Variants in SPMIP4 observed in about 807,000 individuals in gnomAD.
The protein encoded by SPMIP4 is sperm-associated microtubule inner protein 4.
the SPMIP4 span, among the ~76,000 whole-genome samples, chr7:25,128,902 C>T: frequency 2.0e-5 from 3 of 152,324 alleles, no homozygotes; most frequent in African/African-American, 2.4e-5. This position sits in a 1 kb window ranked among gnomAD's most constrained non-coding sequence, Gnocchi z 4.5. Flanking sequence ...CAACAGGTTC[C>T]GTTCTGGCCC....
At chr7:25,171,801 G>A in the SPMIP4 span, among the ~76,000 whole-genome samples, 3,306 of 152,304 alleles carry the variant, frequency 0.022, 135 homozygotes, top group African/African-American at 0.075. Flanking sequence ...TACACAAGAA[G>A]CTGGGACCTT....
the SPMIP4 span, among the ~76,000 whole-genome samples, chr7:25,143,339 A>G: frequency 1.3e-5 from 2 of 152,260 alleles, no homozygotes; most frequent in African/African-American, 4.8e-5. Flanking sequence ...ACATGAGTGA[A>G]TAAGTGAGTT....
the SPMIP4 span, chr7:25,155,067 G>A: frequency 1.2e-6 from 2 of 1,614,138 alleles, no homozygotes; most frequent in Non-Finnish European, 1.7e-6. Context: ...GGGAGGAAAG[G>A]GCTGCTGGGT....
the SPMIP4 span, among the ~76,000 whole-genome samples, chr7:25,150,152 G>A: frequency 1.3e-5 from 2 of 152,044 alleles, no homozygotes; most frequent in African/African-American, 4.8e-5. Flanking sequence ...TAAGGCATAG[G>A]GATTTACACT....
the SPMIP4 span, among the ~76,000 whole-genome samples, chr7:25,133,733 G>A: frequency 6.6e-6 from 1 of 152,298 alleles, no homozygotes; most frequent in East Asian, 1.9e-4. Flanking sequence ...AACCACCTCT[G>A]TGAACAGTGT....
At chr7:25,132,470 C>T in the SPMIP4 span, among the ~76,000 whole-genome samples, 8 of 152,244 alleles carry the variant, frequency 5.3e-5, no homozygotes, top group East Asian at 1.3e-3. This position sits in a 1 kb window ranked among gnomAD's most constrained non-coding sequence, Gnocchi z 5.0. Flanking sequence ...GTGCCTGATA[C>T]ATTTGTTAAA....
chr7:25,163,737 T>C, the SPMIP4 span, among the ~76,000 whole-genome samples: 1 of 152,146 alleles, frequency 6.6e-6, no homozygotes, highest in African/African-American at 2.4e-5. This position sits in a 1 kb window ranked among gnomAD's most constrained non-coding sequence, Gnocchi z 4.4. Flanking sequence ...CATCTGGTGG[T>C]AGGATAATTA....
At chr7:25,151,522 C>A in the SPMIP4 span, 1 of 951,700 alleles carries the variant, frequency 1.1e-6, no homozygotes, top group South Asian at 1.5e-5. Flanking sequence ...CATGTCAAGC[C>A]TAGATTTTTA....
At chr7:25,146,278 G>A in the SPMIP4 span, among the ~76,000 whole-genome samples, 1 of 152,112 alleles carries the variant, frequency 6.6e-6, no homozygotes, top group Non-Finnish European at 1.5e-5. Flanking sequence ...GGATAACAGC[G>A]CTGCCTGAGA....
chr7:25,156,919 C>T, the SPMIP4 span, among the ~76,000 whole-genome samples: 4 of 152,080 alleles, frequency 2.6e-5, no homozygotes, highest in African/African-American at 9.7e-5. Flanking sequence ...GAACTCCTGA[C>T]CTTGTGATCC....
At chr7:25,164,470 T>C in the SPMIP4 span, among the ~76,000 whole-genome samples, 19 of 152,246 alleles carry the variant, frequency 1.2e-4, no homozygotes, top group South Asian at 2.5e-3. Flanking sequence ...TGAAACACTA[T>C]AGCAGCCTTA....
the SPMIP4 span, chr7:25,158,505 C>G: frequency 6.2e-7 from 1 of 1,606,670 alleles, no homozygotes. Flanking sequence ...ACTTACCCTA[C>G]TGTTGAATTA....
chr7:25,132,537 C>T, the SPMIP4 span, among the ~76,000 whole-genome samples: 3 of 151,974 alleles, frequency 2.0e-5, no homozygotes, highest in Non-Finnish European at 2.9e-5. This position sits in a 1 kb window ranked among gnomAD's most constrained non-coding sequence, Gnocchi z 5.0. Flanking sequence ...TGTTAAAATT[C>T]CATAAGAAAT....
chr7:25,155,248 GA>G, the SPMIP4 span: 89 of 1,442,916 alleles, frequency 6.2e-5, no homozygotes, highest in East Asian at 2.0e-3. Flanking sequence ...AAGTATGGTT[GA>G]AAAAATTAAT....
the SPMIP4 span, among the ~76,000 whole-genome samples, chr7:25,127,987 G>T: frequency 1.0e-3 from 152 of 152,328 alleles, no homozygotes; most frequent in Non-Finnish European, 1.9e-3. Flanking sequence ...GTGGTCTTGG[G>T]TAAGATCCAG....
chr7:25,152,876 C>T, the SPMIP4 span, among the ~76,000 whole-genome samples: 3 of 151,540 alleles, frequency 2.0e-5, no homozygotes, highest in African/African-American at 4.9e-5. Flanking sequence ...CCCAATTAGC[C>T]GGGACTACAG....
the SPMIP4 span, chr7:25,151,604 A>G: frequency 6.3e-7 from 1 of 1,592,290 alleles, no homozygotes. Context: ...ACATCATAAT[A>G]TACACCTTGA....
At chr7:25,175,725 A>G in the SPMIP4 span, among the ~76,000 whole-genome samples, 1 of 152,080 alleles carries the variant, frequency 6.6e-6, no homozygotes. Context: ...TCTGTTTTGT[A>G]TTGTTTTATT....
chr7:25,161,213 C>T, the SPMIP4 span: 1 of 1,562,072 alleles, frequency 6.4e-7, no homozygotes, highest in East Asian at 2.3e-5. Context: ...ATAGACATCA[C>T]TTTTTTTGTT....
Sources: allele counts gnomAD v4.1 joint callset (sites outside exome capture counted in the v4.1 genomes callset), GRCh38; gene constraint gnomAD v4.1.1; non-coding constraint Gnocchi (gnomAD v3.1); transcripts MANE v1.5; gene names NCBI Gene and HGNC (gene_info 2026-07-23, HGNC 2026-07-21).